Variants in SLC7A14 observed in about 807,000 individuals in gnomAD.
SLC7A14 encodes the protein gamma-aminobutyric acid transporter SLC7A14.
In SLC7A14, 37 loss-of-function variants were observed where a neutral mutation model predicts 60.2. The observed-to-expected ratio is 0.61, with a 90% CI of 0.47 to 0.81. The LOEUF is 0.81. Among genes scored for constraint, SLC7A14 ranks in the 30% least tolerant of loss-of-function variants. SLC7A14 has a pLI of 0.00. For synonymous variants in SLC7A14, 399 were observed against 395.8 expected (o/e 1.01, Z -0.10); for missense variants, 886 against 982.7 (o/e 0.90, Z 1.32).
chr3:170,513,069 C>T (rs1368059666), intron 2 of SLC7A14, among the ~76,000 whole-genome samples: 1 of 152,102 alleles, frequency 6.6e-6, no homozygotes, highest in Non-Finnish European at 1.5e-5. Flanking sequence ...TGGATTGTTT[C>T]TAGCTAAGTA....
chr3:170,518,015 G>T (rs908138059), intron 2 of SLC7A14, among the ~76,000 whole-genome samples: 2 of 152,224 alleles, frequency 1.3e-5, no homozygotes, highest in Non-Finnish European at 1.5e-5. Context: ...CGCTGAAATG[G>T]CAGAGCATGA....
At chr3:170,574,579 A>G (rs1347824153) in intron 1 of SLC7A14, among the ~76,000 whole-genome samples, 1 of 152,184 alleles carries the variant, frequency 6.6e-6, no homozygotes, top group Non-Finnish European at 1.5e-5. Flanking sequence ...GGTGGCATTG[A>G]TCATAAATAT....
intron 1 of SLC7A14, among the ~76,000 whole-genome samples, chr3:170,542,755 C>T (rs1026716531): frequency 6.6e-6 from 1 of 152,148 alleles, no homozygotes; most frequent in African/African-American, 2.4e-5. Flanking sequence ...CTGATTTTTT[C>T]TTCTTTAGTA....
In SLC7A14 at chr3:170,481,016, G is replaced by A. The variant is rs199779639; in HGVS notation, c.1266C>T (p.Val422=). Reference sequence around the variant, plus strand: ...ATCGAAGGAGCAAGACACAGACAGAGACCAAGGTGTAGGCCAGGAGCGTGC... The same window carrying A: ...ATCGAAGGAGCAAGACACAGACAGAAACCAAGGTGTAGGCCAGGAGCGTGC... ...SIGTLLAYTL[V]SVCVLLLRYQ... Residue 422 remains valine (V), a synonymous_variant, in exon 7 of 8, where the codon GTC becomes GTT. Transcript: ENST00000231706. 14 of 1,614,098 alleles carry A rather than the reference G, an allele frequency of 8.7e-6. No individual in the cohort carries two copies. Among genetic ancestry groups the A allele is most frequent in the Non-Finnish European group, 8.5e-7 (1 of 1,180,010 alleles).
At chr3:170,488,163 T>C (rs1421050210) in intron 4 of SLC7A14, among the ~76,000 whole-genome samples, 1 of 152,246 alleles carries the variant, frequency 6.6e-6, no homozygotes, top group Non-Finnish European at 1.5e-5. Context: ...AAAATCACAA[T>C]TCTCATAAGG....
intron 7 of SLC7A14, among the ~76,000 whole-genome samples, chr3:170,469,810 G>A (rs550191284): frequency 7.0e-4 from 106 of 151,960 alleles, no homozygotes; most frequent in Non-Finnish European, 1.2e-3. Flanking sequence ...GCTTATAGAC[G>A]ACTCATTTCC....
intron 2 of SLC7A14, among the ~76,000 whole-genome samples, chr3:170,503,992 C>T (rs1712690340): frequency 6.6e-6 from 1 of 152,202 alleles, no homozygotes; most frequent in Non-Finnish European, 1.5e-5. Context: ...CTGGGAAAAT[C>T]AATCAGGCAC....
intron 1 of SLC7A14, chr3:170,570,045 GT>G (rs1009810160): frequency 1.3e-5 from 2 of 152,088 alleles, no homozygotes; most frequent in East Asian, 1.9e-4. Context: ...GATTAAGCTG[GT>G]AAATTTATTC....
chr3:170,501,147 C>A lies in SLC7A14; in HGVS notation c.503G>T (p.Arg168Leu). ...GGTTCCCACGCTGTCCGCCATCCAG[C>A]GGCTGATGGTGTGGTTGGCTAGTGA... is the stretch of plus-strand genomic sequence containing the variant. ...FDSLANHTISRWMADSVGTLN... is the reference protein window; with the variant it reads ...FDSLANHTISLWMADSVGTLN... The change falls in exon 3 of 8, where the codon CGC becomes CTC. Residue 168 changes from arginine to leucine, a missense_variant. By Grantham distance (102) the Arg-to-Leu change is moderately radical. Coordinates refer to ENST00000231706, the MANE Select transcript of SLC7A14 (RefSeq NM_020949.3). The A allele has an allele frequency of 6.2e-7, 1 of 1,614,246 alleles. No homozygotes were observed. Among genetic ancestry groups the A allele is most frequent in the African/African-American group, 1.3e-5 (1 of 75,064 alleles).
chr3:170,486,166 G>GAGCT (rs544659287), intron 5 of SLC7A14, 56 bp downstream of exon 5: 523 of 1,598,560 alleles, frequency 3.3e-4, no homozygotes, highest in Admixed American at 9.2e-4. Flanking sequence ...ACAGAGAAGG[G>GAGCT]AGCTCAGTGC....
At chr3:170,572,950 G>A (rs1407915805) in intron 1 of SLC7A14, among the ~76,000 whole-genome samples, 4 of 152,122 alleles carry the variant, frequency 2.6e-5, no homozygotes, top group Admixed American at 1.3e-4. Flanking sequence ...TGGTTGTTTG[G>A]CCTCTTTTAG....
chr3:170,482,228 A>G (rs981413483), intron 6 of SLC7A14, among the ~76,000 whole-genome samples: 2 of 152,308 alleles, frequency 1.3e-5, no homozygotes, highest in Middle Eastern at 3.4e-3. Flanking sequence ...TATGGTTCAC[A>G]CAAGACTGTA....
At chr3:170,578,927 G>A (rs1039457559) in intron 1 of SLC7A14, among the ~76,000 whole-genome samples, 15 of 152,144 alleles carry the variant, frequency 9.9e-5, no homozygotes, top group Admixed American at 5.9e-4. Context: ...ATGATGCTGA[G>A]GTTTTGAATC....
At chr3:170,523,389 A>G (rs1577535167) in intron 2 of SLC7A14, among the ~76,000 whole-genome samples, 1 of 152,072 alleles carries the variant, frequency 6.6e-6, no homozygotes, top group African/African-American at 2.4e-5. Flanking sequence ...TATTGCAATG[A>G]TATCTTGACC....
intron 1 of SLC7A14, among the ~76,000 whole-genome samples, chr3:170,581,014 ATGCCAGGT>A (rs1273845916): frequency 6.6e-6 from 1 of 152,190 alleles, no homozygotes; most frequent in Non-Finnish European, 1.5e-5. Flanking sequence ...TAGGTCATAG[ATGCCAGGT>A]TTGGGAGTAA....
chr3:170,560,571 T>C (rs754075927), intron 1 of SLC7A14, among the ~76,000 whole-genome samples: 6 of 152,214 alleles, frequency 3.9e-5, no homozygotes, highest in Admixed American at 1.3e-4. Context: ...AGTAGCAATT[T>C]TAAAGTCTGA....
chr3:170,523,189 A>C (rs6799994), intron 2 of SLC7A14, among the ~76,000 whole-genome samples: 16,379 of 152,272 alleles, frequency 0.11, 1,321 homozygotes, highest in African/African-American at 0.22. Flanking sequence ...TTTAAAGTGG[A>C]GAAACCGATG....
At chr3:170,537,194 A>G (rs1392299333) in intron 1 of SLC7A14, among the ~76,000 whole-genome samples, 1 of 152,188 alleles carries the variant, frequency 6.6e-6, no homozygotes. Context: ...TACCTTCCGG[A>G]AGTTCCAGGG....
chr3:170,505,291 T>C (rs2108282656), intron 2 of SLC7A14, among the ~76,000 whole-genome samples: 1 of 152,328 alleles, frequency 6.6e-6, no homozygotes, highest in Admixed American at 6.5e-5. Flanking sequence ...TGAGTCTGCA[T>C]TTGTGGCAGT....
Sources: gnomAD v4.1 joint callset for allele counts (sites outside exome capture counted in the v4.1 genomes callset) on GRCh38, gnomAD v4.1.1 for gene constraint, MANE v1.5 for transcripts, NCBI Gene and HGNC (gene_info 2026-07-23, HGNC 2026-07-21) for gene names.